Variants in SMYD3 observed in about 807,000 individuals in gnomAD.
SMYD3 encodes histone-lysine N-methyltransferase SMYD3.
Under a neutral mutation model 57.7 loss-of-function variants are expected in SMYD3, and 36 were observed. The ratio of observed to expected loss-of-function variants is 0.62; its 90% CI spans 0.48 to 0.82. The LOEUF is 0.82. Among genes scored for constraint, SMYD3 ranks in the 40% least tolerant of loss-of-function variants. SMYD3 has a pLI of 0.00. For missense variants in SMYD3, 515 were observed against 538.8 expected, an observed-to-expected ratio of 0.96 and a Z score of 0.44; for synonymous variants, 211 against 195.0, an observed-to-expected ratio of 1.08 and a Z score of -0.68.
intron 10 of SMYD3, among the ~76,000 whole-genome samples, chr1:245,784,075 G>A (rs922533834): frequency 8.5e-4 from 129 of 152,340 alleles, no homozygotes; most frequent in African/African-American, 3.0e-3. Context: ...AGAGCAGCTA[G>A]CACAATTTTG....
intron 5 of SMYD3, among the ~76,000 whole-genome samples, chr1:246,215,754 T>A (rs2063154334): frequency 6.6e-6 from 1 of 152,072 alleles, no homozygotes; most frequent in Non-Finnish European, 1.5e-5. Flanking sequence ...AAAGCCAATG[T>A]CACTTTCCTT....
intron 10 of SMYD3, among the ~76,000 whole-genome samples, chr1:245,817,896 G>A (rs2048941432): frequency 6.6e-6 from 1 of 152,162 alleles, no homozygotes; most frequent in Non-Finnish European, 1.5e-5. Flanking sequence ...ATGGGACTAT[G>A]TGAAAAGACC....
chr1:245,895,214 AC>A (rs2053685417), intron 8 of SMYD3, among the ~76,000 whole-genome samples: 1 of 152,116 alleles, frequency 6.6e-6, no homozygotes, highest in Non-Finnish European at 1.5e-5. Context: ...TCTGGGGGAA[AC>A]CCATTTTTCT....
At chr1:246,450,164 G>A (rs1481166743) in intron 1 of SMYD3, among the ~76,000 whole-genome samples, 3 of 152,166 alleles carry the variant, frequency 2.0e-5, no homozygotes, top group Admixed American at 6.5e-5. Flanking sequence ...GCACATGCCT[G>A]TAATCCCAGC....
At chr1:246,328,896 T>C (rs1222014436) in intron 4 of SMYD3, among the ~76,000 whole-genome samples, 1 of 150,558 alleles carries the variant, frequency 6.6e-6, no homozygotes, top group Admixed American at 6.6e-5. Context: ...TGTGTCCATG[T>C]GTTCTCATTG....
intron 5 of SMYD3, among the ~76,000 whole-genome samples, chr1:245,939,877 G>A (rs905230622): frequency 6.6e-6 from 1 of 152,126 alleles, no homozygotes; most frequent in Non-Finnish European, 1.5e-5. Flanking sequence ...CGGTTCGAAA[G>A]TCTTTTCCTG....
intron 1 of SMYD3, among the ~76,000 whole-genome samples, chr1:246,403,344 T>C (rs875299): frequency 6.6e-6 from 1 of 151,586 alleles, no homozygotes; most frequent in Non-Finnish European, 1.5e-5. Flanking sequence ...AAAAAAAAAA[T>C]TTAATTAGCC....
intron 1 of SMYD3, among the ~76,000 whole-genome samples, chr1:246,440,662 T>C (rs925287580): frequency 6.6e-6 from 1 of 152,182 alleles, no homozygotes; most frequent in African/African-American, 2.4e-5. Context: ...AGAAACATGT[T>C]GAAGATCTTC....
At chr1:245,928,447 G>A (rs1453959053) in intron 6 of SMYD3, among the ~76,000 whole-genome samples, 2 of 152,090 alleles carry the variant, frequency 1.3e-5, no homozygotes, top group African/African-American at 4.8e-5. Context: ...CGAGGTGGGT[G>A]GATCATTTGA....
intron 5 of SMYD3, among the ~76,000 whole-genome samples, chr1:245,932,473 A>C (rs1195044339): frequency 6.6e-6 from 1 of 152,178 alleles, no homozygotes; most frequent in Non-Finnish European, 1.5e-5. Flanking sequence ...TGGATCGTAA[A>C]ATACTTGGGA....
chr1:246,270,988 GT>G, intron 5 of SMYD3, among the ~76,000 whole-genome samples: 1 of 152,282 alleles, frequency 6.6e-6, no homozygotes. Context: ...ATTTTCTGGG[GT>G]TTTTTAAATA....
chr1:245,949,537 C>T (rs924072661), intron 5 of SMYD3, among the ~76,000 whole-genome samples: 10 of 152,196 alleles, frequency 6.6e-5, no homozygotes, highest in African/African-American at 2.2e-4. Context: ...AGGCCGGATG[C>T]GGTGGCTCAC....
intron 1 of SMYD3, among the ~76,000 whole-genome samples, chr1:246,501,539 C>T (rs929314803): frequency 3.5e-4 from 53 of 152,304 alleles, no homozygotes; most frequent in African/African-American, 1.3e-3. Flanking sequence ...ATTTCTCTGA[C>T]CACATGAGGA....
At chr1:245,896,701 G>A (rs537227843) in intron 8 of SMYD3, among the ~76,000 whole-genome samples, 2 of 152,354 alleles carry the variant, frequency 1.3e-5, no homozygotes, top group East Asian at 1.9e-4. Context: ...CTGTGGGCCT[G>A]AAGGGGCCAA....
chr1:246,021,642 T>C (rs73132359), intron 5 of SMYD3, among the ~76,000 whole-genome samples: 14,793 of 152,160 alleles, frequency 0.097, 1,028 homozygotes, highest in African/African-American at 0.2. Flanking sequence ...CATTATATTA[T>C]TGATCAGCCT....
chr1:245,754,134 G>A (rs2045513544), intron 11 of SMYD3, among the ~76,000 whole-genome samples: 1 of 151,800 alleles, frequency 6.6e-6, no homozygotes, highest in African/African-American at 2.4e-5. Context: ...ATAGAGAAAG[G>A]GTCCCCAGAA....
At chr1:245,864,362 C>T (rs994977265) in intron 8 of SMYD3, among the ~76,000 whole-genome samples, 1 of 152,228 alleles carries the variant, frequency 6.6e-6, no homozygotes, top group Non-Finnish European at 1.5e-5. Flanking sequence ...ACAACTCACA[C>T]GTCTATCAAT....
At chr1:246,217,669 A>G in intron 5 of SMYD3, among the ~76,000 whole-genome samples, 1 of 152,198 alleles carries the variant, frequency 6.6e-6, no homozygotes. Context: ...GTTTAAAGGA[A>G]TAAGAGATTG....
chr1:246,255,995 C>T (rs371058237), intron 5 of SMYD3, among the ~76,000 whole-genome samples: 54 of 143,828 alleles, frequency 3.8e-4, no homozygotes, highest in African/African-American at 1.2e-3. Flanking sequence ...GATACACACA[C>T]ACATACATAC....
Sources: gnomAD v4.1 joint callset for allele counts (sites outside exome capture counted in the v4.1 genomes callset) on GRCh38, gnomAD v4.1.1 for gene constraint, MANE v1.5 for transcripts, NCBI Gene and HGNC (gene_info 2026-07-23, HGNC 2026-07-21) for gene names.